Variants in AKT3 observed in about 807,000 individuals in gnomAD.
AKT3 encodes RAC-gamma serine/threonine-protein kinase.
A neutral mutation model predicts 65.3 loss-of-function variants in AKT3; 15 were observed. The ratio of observed to expected loss-of-function variants is 0.23; its 90% confidence interval spans 0.15 to 0.35. The LOEUF is 0.35. Among genes scored for constraint, AKT3 ranks in the 10% least tolerant of loss-of-function variants. AKT3 has a pLI of 1.00. For synonymous variants in AKT3, 206 were observed against 183.8 expected (o/e 1.12, Z -0.98); for missense variants, 243 against 576.5 (o/e 0.42, Z 5.92).
At chr1:243,637,399 T>G (rs185661126) in intron 6 of AKT3, among the ~76,000 whole-genome samples, 1 of 152,102 alleles carries the variant, frequency 6.6e-6, no homozygotes, top group East Asian at 1.9e-4. Flanking sequence ...CTTAAGAGAA[T>G]AGCTTTAGTA....
In AKT3 at chr1:243,503,807, AT is replaced by A. The variant is rs1176036561; in HGVS notation, c.*1441del. 2 of 230,906 alleles carry A rather than the reference AT, an allele frequency of 8.7e-6. No individual in the cohort carries two copies. The highest frequency in any genetic ancestry group is 4.4e-5 in the African/African-American group (2 of 45,166). 14.3% of individuals were successfully genotyped at this position (230,906 alleles called of 1,614,324 possible). On this transcript the variant is annotated 3_prime_UTR_variant, in exon 14 of 14. Transcript: ENST00000673466. ...ACCAGGTTCTTAGCCTTCACTGCCC[AT>A]TTCCTAAATACTCAAGATGTGTTCA...
At chr1:243,513,761 C>A (rs773939507) in intron 12 of AKT3, among the ~76,000 whole-genome samples, 1 of 152,202 alleles carries the variant, frequency 6.6e-6, no homozygotes, top group Admixed American at 6.5e-5. Flanking sequence ...TTCCACTGAT[C>A]AGCTGGTAAT....
Position 243,562,392 on chromosome 1 carries a change from G to A in AKT3, c.948+1328C>T, listed in dbSNP as rs544137904. ...TGAAAATATTCTGGAATTGGACAGC[G>A]ATGATAGTTGTACAACTCTGTGAAC... On this transcript the variant is annotated intron_variant, in intron 10 of 13. Coordinates refer to ENST00000673466, the MANE Select transcript of AKT3 (RefSeq NM_005465.7). Among the ~76,000 whole-genome samples the A allele has an allele frequency of 2.0e-5, 3 of 152,278 alleles. No homozygotes were observed. In the South Asian group the frequency reaches 6.2e-4, roughly 32 times the overall value.
chr1:243,588,421 CACGAACAAA>C lies in AKT3; in HGVS notation c.697-15382_697-15374del, dbSNP rs1675958291. On this transcript the variant is annotated intron_variant, in intron 8 of 13. Coordinates refer to ENST00000673466, the MANE Select transcript of AKT3 (RefSeq NM_005465.7). ...AGAGTCAGAGTGAAACCTGAACTTA[CACGAACAAA>C]GCTAACATCAATACTGAAATATCAA... Among the ~76,000 whole-genome samples the C allele has an allele frequency of 2.0e-5, 3 of 152,176 alleles. No individual in the cohort carries two copies. In the South Asian group the frequency reaches 6.2e-4, roughly 32 times the overall value.
chr1:243,606,560 T>C (rs370867036), intron 8 of AKT3, among the ~76,000 whole-genome samples: 1 of 152,120 alleles, frequency 6.6e-6, no homozygotes. Flanking sequence ...TGGCAAAGCA[T>C]TGAAGAGAAC....
At chr1:243,550,772 C>G (rs1247545857) in intron 11 of AKT3, among the ~76,000 whole-genome samples, 1 of 113,756 alleles carries the variant, frequency 8.8e-6, no homozygotes, top group Non-Finnish European at 1.7e-5. Flanking sequence ...GGTGAAACCC[C>G]ATCTCTACTA....
At chr1:243,604,908 A>C (rs1282706909) in intron 8 of AKT3, among the ~76,000 whole-genome samples, 1 of 152,248 alleles carries the variant, frequency 6.6e-6, no homozygotes, top group Non-Finnish European at 1.5e-5. Context: ...AAAAATAATC[A>C]AATCACTCCC....
chr1:243,504,636 T>TA lies in AKT3; in HGVS notation c.*612_*613insT, dbSNP rs1252372910. On this transcript the variant is annotated 3_prime_UTR_variant, in exon 14 of 14. Coordinates refer to ENST00000673466, the MANE Select transcript of AKT3 (RefSeq NM_005465.7). ...CCACCAGGAATTTAAAAAAAAAAAA[T>TA]TATATATATATATATATATCCCAAC... 4.3e-5 allele frequency: 7 copies of TA among 164,598 alleles called. No individual in the cohort carries two copies. Among genetic ancestry groups the TA allele is most frequent in the East Asian group, 2.3e-4 (2 of 8,864 alleles). 10.2% of individuals were successfully genotyped at this position (164,598 alleles called of 1,614,324 possible). A position where few individuals can be genotyped will look rare whatever the true frequency, so the allele number is the denominator to read the frequency against.
chr1:243,596,767 T>C (rs918266979), intron 8 of AKT3, among the ~76,000 whole-genome samples: 6 of 152,206 alleles, frequency 3.9e-5, no homozygotes, highest in African/African-American at 1.4e-4. Flanking sequence ...TTTATTCATA[T>C]TAGGCAATGA....
In AKT3 at chr1:243,849,263, C is replaced by T. The variant is rs540454080; in HGVS notation, c.-113+777G>A. ...GCCGCCGCCAGCAGCGACAGCATCA[C>T]TGGATCAGCCAAACCCAGCATCTTC... On this transcript the variant is annotated intron_variant, in intron 1 of 13. Transcript: ENST00000673466. Among the ~76,000 whole-genome samples, 228 of 152,288 alleles carry T rather than the reference C, an allele frequency of 1.5e-3. 1 individual carries two copies. Among genetic ancestry groups the T allele is most frequent in the African/African-American group, 5.3e-3 (220 of 41,560 alleles).
chr1:243,842,435 G>C (rs932525675), intron 2 of AKT3, among the ~76,000 whole-genome samples: 3 of 152,116 alleles, frequency 2.0e-5, no homozygotes, highest in African/African-American at 7.2e-5. Flanking sequence ...ACATAAGCAG[G>C]TGATCTCACA....
intron 4 of AKT3, among the ~76,000 whole-genome samples, chr1:243,653,169 C>T (rs780063602): frequency 4.6e-5 from 7 of 152,062 alleles, no homozygotes; most frequent in African/African-American, 7.2e-5. Flanking sequence ...GGGATATCAC[C>T]GTCAATCCCA....
chr1:243,729,184 T>C (rs1341037808), intron 2 of AKT3, among the ~76,000 whole-genome samples: 3 of 152,102 alleles, frequency 2.0e-5, no homozygotes, highest in South Asian at 2.1e-4. Context: ...GGACAAACCA[T>C]GCAATAAAAT....
At chr1:243,826,138 G>C (rs944572613) in intron 2 of AKT3, among the ~76,000 whole-genome samples, 3 of 142,538 alleles carry the variant, frequency 2.1e-5, no homozygotes, top group African/African-American at 7.8e-5. Flanking sequence ...TCTCAAAAAA[G>C]AAAAAAAAAA....
rs576847351 is a variant in AKT3, at chr1:243,706,049, C to T, written c.47-10333G>A. Among the ~76,000 whole-genome samples the T allele has an allele frequency of 1.3e-4, 20 of 152,138 alleles. No individual in the cohort carries two copies. The East Asian group carries it at 3.9e-3, about 29-fold the overall frequency. On this transcript the variant is annotated intron_variant, in intron 2 of 13. Coordinates refer to ENST00000673466, the MANE Select transcript of AKT3 (RefSeq NM_005465.7). ...TTGTAAATATTTCCCATTTTACCAC[C>T]TTATATTATCTAAATATAATATCAT...
intron 2 of AKT3, chr1:243,740,598 C>A (rs1232642688): frequency 1.3e-5 from 2 of 152,224 alleles, no homozygotes; most frequent in Non-Finnish European, 2.9e-5. Flanking sequence ...TTGGAACACT[C>A]ATTAGCTTAC....
chr1:243,548,588 A>G (rs1328731755), intron 11 of AKT3, among the ~76,000 whole-genome samples: 2 of 152,224 alleles, frequency 1.3e-5, no homozygotes, highest in Non-Finnish European at 2.9e-5. Flanking sequence ...AGACTTCAAA[A>G]ATAATAACAA....
intron 2 of AKT3, among the ~76,000 whole-genome samples, chr1:243,755,867 T>C (rs192456283): frequency 6.6e-6 from 1 of 152,328 alleles, no homozygotes; most frequent in Admixed American, 6.5e-5. Flanking sequence ...TGAAGGCCTT[T>C]CTTTTCTTAA....
At chr1:243,517,650 A>G (rs1264827648) in intron 12 of AKT3, among the ~76,000 whole-genome samples, 2 of 152,218 alleles carry the variant, frequency 1.3e-5, no homozygotes, top group Non-Finnish European at 2.9e-5. Flanking sequence ...AGCATAGTAT[A>G]TAATTTTCTG....
Sources: allele counts gnomAD v4.1 joint callset (sites outside exome capture counted in the v4.1 genomes callset), GRCh38; gene constraint gnomAD v4.1.1; transcripts MANE v1.5; gene names NCBI Gene and HGNC (gene_info 2026-07-23, HGNC 2026-07-21).